MARCHF5: variants seen among roughly 807,000 people sequenced by gnomAD.
MARCHF5 encodes the protein E3 ubiquitin-protein ligase MARCHF5.
A neutral mutation model predicts 36.5 loss-of-function variants in MARCHF5; 5 were observed. The ratio of observed to expected loss-of-function variants is 0.14; its 90% CI spans 0.07 to 0.29. MARCHF5 has a LOEUF of 0.29. MARCHF5 is among the 10% of genes least tolerant of loss of function. The pLI is 1.00. For synonymous variants in MARCHF5, 103 were observed against 109.9 expected, an observed-to-expected ratio of 0.94 and a Z score of 0.39; for missense variants, 179 against 336.3, an observed-to-expected ratio of 0.53 and a Z score of 3.66.
intron 2 of MARCHF5, among the ~76,000 whole-genome samples, chr10:92,325,096 GTCGAGGCGGGGGGA>G (rs1290987678): frequency 6.6e-6 from 1 of 152,096 alleles, no homozygotes; most frequent in Non-Finnish European, 1.5e-5. Context: ...ACTTTGGAAG[GTCGAGGCGGGGGGA>G]TCATTTGCGC....
intron 5 of MARCHF5, among the ~76,000 whole-genome samples, chr10:92,350,720 G>A (rs1236680327): frequency 6.6e-6 from 1 of 152,170 alleles, no homozygotes; most frequent in Non-Finnish European, 1.5e-5. Flanking sequence ...TGGTCATATA[G>A]CCTCCAGTGG....
chr10:92,327,711 G>A (rs138150687), intron 2 of MARCHF5, among the ~76,000 whole-genome samples: 1 of 152,118 alleles, frequency 6.6e-6, no homozygotes. Flanking sequence ...TGCTGCCTTA[G>A]CATTGACCAA....
chr10:92,295,574 A>AT (rs1201213361), intron 1 of MARCHF5, among the ~76,000 whole-genome samples: 10 of 150,716 alleles, frequency 6.6e-5, no homozygotes, highest in Non-Finnish European at 1.5e-4. Context: ...AGGCCAGCTA[A>AT]TTTTTTTGTA....
At chr10:92,348,939 T>C (rs767827903) in intron 3 of MARCHF5, among the ~76,000 whole-genome samples, 8 of 152,242 alleles carry the variant, frequency 5.3e-5, no homozygotes, top group Non-Finnish European at 1.2e-4. Context: ...CTTGGCTGGC[T>C]ATGCTTAATC....
chr10:92,325,720 C>T (rs1483082744), intron 2 of MARCHF5, among the ~76,000 whole-genome samples: 1 of 152,124 alleles, frequency 6.6e-6, no homozygotes, highest in Non-Finnish European at 1.5e-5. Context: ...CTGTGTCGCA[C>T]AGGCTGGAGT....
intron 2 of MARCHF5, among the ~76,000 whole-genome samples, chr10:92,336,515 A>G (rs1843503748): frequency 6.6e-6 from 1 of 152,236 alleles, no homozygotes; most frequent in African/African-American, 2.4e-5. Context: ...AAGTGGAAAC[A>G]TAATTAATAT....
chr10:92,291,563 C>T, intron 1 of MARCHF5, 34 bp downstream of exon 1: 1 of 1,520,652 alleles, frequency 6.6e-7, no homozygotes, highest in Non-Finnish European at 8.8e-7. Flanking sequence ...CGGGAGCCGC[C>T]GACCCTCGCT....
chr10:92,321,211 C>A (rs1324817732), intron 2 of MARCHF5, among the ~76,000 whole-genome samples: 1 of 151,968 alleles, frequency 6.6e-6, no homozygotes, highest in East Asian at 1.9e-4. Context: ...GTGTGGATAC[C>A]CATCATTGAG....
rs536270973 is a variant in MARCHF5 at position 92,346,167 on chromosome 10, A to G, written c.370-3182A>G. On this transcript the variant is annotated intron_variant, in intron 3 of 5. Coordinates refer to ENST00000358935, the MANE Select transcript of MARCHF5 (RefSeq NM_017824.5). The stretch of plus-strand genomic sequence containing the variant: ...TATTGGCCAAAATTAAATCAGGCCT[A>G]TTGCTTAATCACCTTTCATTTATTG... 1.9e-4 allele frequency among the ~76,000 whole-genome samples: 29 copies of G among 152,340 alleles called. No homozygotes were observed. In the South Asian group the frequency reaches 3.9e-3, roughly 21 times the overall value.
chr10:92,340,243 C>CT (rs1843563782), intron 2 of MARCHF5, among the ~76,000 whole-genome samples: 1 of 152,080 alleles, frequency 6.6e-6, no homozygotes, highest in Non-Finnish European at 1.5e-5. Context: ...ATTTGAGACT[C>CT]TAATTTTAGG....
intron 5 of MARCHF5, 24 bp from the exon 6 acceptor site, chr10:92,351,067 A>T: frequency 7.6e-7 from 1 of 1,313,712 alleles, no homozygotes; most frequent in Non-Finnish European, 1.1e-6. Context: ...CATTATAAAA[A>T]GCTAATTTTC....
intron 2 of MARCHF5, among the ~76,000 whole-genome samples, chr10:92,315,335 CTGA>C (rs931282431): frequency 6.6e-6 from 1 of 152,242 alleles, no homozygotes; most frequent in Admixed American, 6.5e-5. Flanking sequence ...ATAGTGTCAT[CTGA>C]TGATAGAATT....
At chr10:92,315,276 TA>T (rs1843196881) in intron 2 of MARCHF5, among the ~76,000 whole-genome samples, 1 of 152,234 alleles carries the variant, frequency 6.6e-6, no homozygotes, top group Admixed American at 6.5e-5. Context: ...GCATCTGTGA[TA>T]ATAATTGTTC....
intron 3 of MARCHF5, 111 bp downstream of exon 3, chr10:92,340,914 G>T: frequency 1.0e-6 from 1 of 988,984 alleles, no homozygotes; most frequent in South Asian, 2.3e-5. Context: ...ACATTCTCAT[G>T]TTCTTTCTAA....
intron 1 of MARCHF5, among the ~76,000 whole-genome samples, chr10:92,310,400 T>A (rs1843129820): frequency 6.6e-6 from 1 of 152,232 alleles, no homozygotes; most frequent in Non-Finnish European, 1.5e-5. Context: ...AAATTACAAT[T>A]CATGAAGTAC....
At chr10:92,297,936 A>T (rs956565206) in intron 1 of MARCHF5, among the ~76,000 whole-genome samples, 1 of 152,034 alleles carries the variant, frequency 6.6e-6, no homozygotes, top group African/African-American at 2.4e-5. Context: ...AGTGGCTCAC[A>T]CCTGTAATCC....
At chr10:92,292,865 A>T (rs1164617788) in intron 1 of MARCHF5, among the ~76,000 whole-genome samples, 1 of 152,196 alleles carries the variant, frequency 6.6e-6, no homozygotes, top group African/African-American at 2.4e-5. Context: ...GTATGAACTA[A>T]TGCACAAACT....
intron 1 of MARCHF5, among the ~76,000 whole-genome samples, chr10:92,307,077 C>T (rs931875701): frequency 6.6e-6 from 1 of 152,048 alleles, no homozygotes; most frequent in Admixed American, 6.6e-5. Context: ...GTAATCAGGA[C>T]ACTGAGGCAG....
At chr10:92,327,872 A>G (rs1843386096) in intron 2 of MARCHF5, among the ~76,000 whole-genome samples, 1 of 152,182 alleles carries the variant, frequency 6.6e-6, no homozygotes, top group Non-Finnish European at 1.5e-5. Context: ...TAAAAGGGAA[A>G]AAAAAAGTAA....
Sources: allele counts gnomAD v4.1 joint callset (sites outside exome capture counted in the v4.1 genomes callset), GRCh38; gene constraint gnomAD v4.1.1; transcripts MANE v1.5; gene names NCBI Gene and HGNC (gene_info 2026-07-23, HGNC 2026-07-21).